The following CIBAR2 variants were observed in gnomAD, a reference collection of about 807,000 sequenced individuals.
CIBAR2 encodes CBY1-interacting BAR domain-containing protein 2.
Under a neutral mutation model 36.2 loss-of-function variants are expected in CIBAR2, and 38 were observed. The ratio of observed to expected loss-of-function variants is 1.05; its 90% CI spans 0.81 to 1.38. The LOEUF is 1.38. CIBAR2 is among the 40% of genes most tolerant of loss of function. The probability of loss-of-function intolerance (pLI) is 0.00; values close to 1 mark genes in which losing one functional copy is unlikely to be tolerated. For missense variants in CIBAR2, 481 were observed against 383.4 expected (o/e 1.25, Z -2.13); for synonymous variants, 182 against 149.5 (o/e 1.22, Z -1.58).
In CIBAR2 at chr16:85,102,232, G is replaced by T; in HGVS notation, c.633C>A (p.Asp211Glu). 4 of 1,601,808 alleles carry T rather than the reference G, an allele frequency of 2.5e-6. No individual in the cohort carries two copies. The highest frequency in any genetic ancestry group is 3.4e-6 in the Non-Finnish European group (4 of 1,168,790). The change falls in exon 7 of 9, where the codon GAC (aspartate) becomes GAA (glutamate). Residue 211 changes from aspartate (D) to glutamate (E), a missense_variant. Asp to Glu is a conservative substitution (Grantham distance 45). Coordinates refer to ENST00000539556, the MANE Select transcript of CIBAR2 (RefSeq NM_198491.3). Reference sequence around the variant, plus strand: ...GACTCACCAGTAGATCCCTCTCCAGGTCATACTTCTCCAGGGTCTGGAAGG... The same window carrying T: ...GACTCACCAGTAGATCCCTCTCCAGTTCATACTTCTCCAGGGTCTGGAAGG... ...SSAFQTLEKY[D>E]LERDLLDFRA...
Position 85,099,118 on chromosome 16 carries a change from A to G in CIBAR2, c.*67T>C, listed in dbSNP as rs533048628. ...GACAAAGAAAAAAGAATCAGAAAAT[A>G]AGAACAAAGCCTCCAGGCAGTCTGG... On this transcript the variant is annotated 3_prime_UTR_variant, in exon 9 of 9. Coordinates refer to ENST00000539556, the MANE Select transcript of CIBAR2 (RefSeq NM_198491.3). The G allele has an allele frequency of 3.5e-6, 5 of 1,438,054 alleles. No homozygotes were observed. The East Asian group carries it at 1.0e-4, about 30-fold the overall frequency. 89.1% of individuals were successfully genotyped at this position (1,438,054 alleles called of 1,614,324 possible).
At chr16:85,101,290 C>T (rs2073953504) in intron 7 of CIBAR2, among the ~76,000 whole-genome samples, 1 of 152,140 alleles carries the variant, frequency 6.6e-6, no homozygotes, top group African/African-American at 2.4e-5. Context: ...ATACGCCCCA[C>T]ATTTTCATTT....
intron 1 of CIBAR2, among the ~76,000 whole-genome samples, chr16:85,110,824 C>G (rs111482950): frequency 0.16 from 24,683 of 151,290 alleles, 2,134 homozygotes; most frequent in African/African-American, 0.23. Flanking sequence ...CCTGCCTCAG[C>G]CTCCTGAGTA....
At chr16:85,100,059 A>T in intron 8 of CIBAR2, 80 bp downstream of exon 8, 1 of 1,101,026 alleles carries the variant, frequency 9.1e-7, no homozygotes, top group African/African-American at 1.6e-5. Flanking sequence ...CCCTCCTCTA[A>T]TCCCTGGGGT....
In CIBAR2 at chr16:85,107,674, T is replaced by G; in HGVS notation, c.427-2A>C. 6.2e-7 allele frequency: 1 copy of G among 1,613,990 alleles called. No individual in the cohort carries two copies. The highest frequency in any genetic ancestry group is 1.1e-5 in the South Asian group (1 of 91,080). ...CAGACATGTGACACTCACCTGGGAC[T>G]GAAAAACGTGCTGTTAAGGAACCAA... On this transcript the variant is annotated splice_acceptor_variant, in intron 4 of 8. Coordinates refer to ENST00000539556, the MANE Select transcript of CIBAR2 (RefSeq NM_198491.3). LOFTEE classifies it high-confidence loss of function.
rs948075322 is a variant in CIBAR2, at chr16:85,110,387, G to T, written c.94C>A (p.Leu32Met). Reference sequence around the variant, plus strand: ...GCCGTCTTGCGCGTGTAGGCGGCCAGCAGCGAGCAGAACTGCCCAAAGTAC... The same window carrying T: ...GCCGTCTTGCGCGTGTAGGCGGCCATCAGCGAGCAGAACTGCCCAAAGTAC... ...EKYFGQFCSL[L>M]AAYTRKTARL... is the part of the protein sequence containing the mutation. Residue 32 changes from leucine to methionine, a missense_variant, in exon 2 of 9, where the codon CTG (leucine) becomes ATG (methionine). Physicochemically the swap from Leu to Met is conservative, Grantham distance 15. Transcript: ENST00000539556. 6.2e-7 allele frequency: 1 copy of T among 1,613,436 alleles called. No individual in the cohort carries two copies. The highest frequency in any genetic ancestry group is 8.5e-7 in the Non-Finnish European group (1 of 1,179,788).
intron 2 of CIBAR2, 135 bp from the exon 3 acceptor site, chr16:85,108,234 T>A (rs2074013462): frequency 3.9e-6 from 3 of 767,370 alleles, no homozygotes; most frequent in Non-Finnish European, 6.1e-6. Flanking sequence ...CGAGGTGCCC[T>A]CCCTTTTCCC....
chr16:85,108,082 G>C lies in CIBAR2; in HGVS notation c.273C>G (p.Thr91=), dbSNP rs894192130. The change falls in exon 3 of 9, where the codon ACC becomes ACG. Residue 91 remains threonine, a synonymous_variant. Transcript: ENST00000539556. ...AGAGCTTCAGGGGGTTGACCACCTT[G>C]GTCTCCAGCCTCTCGACCTGGGGGA... is the stretch of plus-strand genomic sequence containing the variant. ...YRQAQVERLE[T]KVVNPLKLYG... The C allele has an allele frequency of 2.5e-6, 4 of 1,612,372 alleles. No individual in the cohort carries two copies. In the African/African-American group the frequency reaches 5.3e-5, roughly 22 times the overall value.
intron 8 of CIBAR2, among the ~76,000 whole-genome samples, chr16:85,099,692 C>T (rs2073939322): frequency 1.3e-5 from 2 of 150,950 alleles, no homozygotes; most frequent in African/African-American, 4.9e-5. Context: ...GGTACGATCT[C>T]GGCTCACTGC....
At position 85,108,070 on chromosome 16, in the gene CIBAR2, G is replaced by T. The variant is rs1271622157; in HGVS notation, c.285C>A (p.Asn95Lys). Residue 95 changes from asparagine (N) to lysine (K), a missense_variant, in exon 3 of 9, where the codon AAC (asparagine) becomes AAA (lysine). Asn to Lys is a moderately conservative substitution (Grantham distance 94, BLOSUM62 0). Transcript: ENST00000539556. ...QVERLETKVV[N>K]PLKLYGAQIK... The stretch of plus-strand genomic sequence containing the variant: ...TCTGTGCCCCGTAGAGCTTCAGGGG[G>T]TTGACCACCTTGGTCTCCAGCCTCT... The T allele has an allele frequency of 4.3e-6, 7 of 1,613,038 alleles. No individual in the cohort carries two copies. The highest frequency in any genetic ancestry group is 5.1e-6 in the Non-Finnish European group (6 of 1,179,364).
Position 85,098,864 on chromosome 16 carries a change from A to C in CIBAR2, c.*321T>G. 4.3e-6 allele frequency: 1 copy of C among 234,056 alleles called. No individual in the cohort carries two copies. The highest frequency in any genetic ancestry group is 7.8e-6 in the Non-Finnish European group (1 of 128,678). 14.5% of individuals were successfully genotyped at this position (234,056 alleles called of 1,614,324 possible). A position where few individuals can be genotyped will look rare whatever the true frequency, so the allele number is the denominator to read the frequency against. ...AAGCCACTCTGCAGGCGAGGACTCT[A>C]AGGCACAGAGAGGCTAGGAGACTTT... On this transcript the variant is annotated 3_prime_UTR_variant, in exon 9 of 9. Coordinates refer to ENST00000539556, the MANE Select transcript of CIBAR2 (RefSeq NM_198491.3).
chr16:85,103,717 C>T (rs537246740), intron 6 of CIBAR2, among the ~76,000 whole-genome samples: 3 of 152,316 alleles, frequency 2.0e-5, no homozygotes, highest in African/African-American at 7.2e-5. Flanking sequence ...TTCATGCAGG[C>T]GTTCACTCAT....
Position 85,110,322 on chromosome 16 carries a change from G to A in CIBAR2, c.159C>T (p.Leu53=), listed in dbSNP as rs764685135. The change falls in exon 2 of 9, where the codon CTC becomes CTT. Residue 53 remains leucine (L), a synonymous_variant. Transcript: ENST00000539556. The part of the protein sequence containing the change: ...RDKADQLVKQ[L]IDFANSENPE... ...GGTTCTCGGAGTTGGCAAAGTCGAT[G>A]AGCTGCTTGACCAGCTGGTCCGCCT... 1.4e-5 allele frequency: 22 copies of A among 1,612,794 alleles called. No homozygotes were observed. The East Asian group carries it at 3.6e-4, about 26-fold the overall frequency.
intron 5 of CIBAR2, among the ~76,000 whole-genome samples, chr16:85,106,703 C>T (rs766198420): frequency 6.6e-6 from 1 of 152,202 alleles, no homozygotes; most frequent in African/African-American, 2.4e-5. Context: ...AGTGGGCCCA[C>T]GGTGAACCTC....
At position 85,108,081 on chromosome 16, in the gene CIBAR2, T is replaced by G. The variant is rs770931335; in HGVS notation, c.274A>C (p.Lys92Gln). The change falls in exon 3 of 9, where the codon AAG becomes CAG. Residue 92 changes from lysine (K) to glutamine (Q), a missense_variant. Lys to Gln is a moderately conservative substitution (Grantham distance 53). Transcript: ENST00000539556. The part of the protein sequence containing the change: ...RQAQVERLET[K>Q]VVNPLKLYGA... ...TAGAGCTTCAGGGGGTTGACCACCT[T>G]GGTCTCCAGCCTCTCGACCTGGGGG... 6.2e-7 allele frequency: 1 copy of G among 1,612,376 alleles called. No individual in the cohort carries two copies. The highest frequency in any genetic ancestry group is 1.3e-5 in the African/African-American group (1 of 74,854).
At chr16:85,103,928 C>A (rs924868864) in intron 6 of CIBAR2, among the ~76,000 whole-genome samples, 2 of 152,228 alleles carry the variant, frequency 1.3e-5, no homozygotes, top group Non-Finnish European at 1.5e-5. Flanking sequence ...ATCCGTCCAT[C>A]TCCTCCCGCC....
At chr16:85,106,421 G>C (rs2073996266) in intron 5 of CIBAR2, among the ~76,000 whole-genome samples, 1 of 152,170 alleles carries the variant, frequency 6.6e-6, no homozygotes, top group South Asian at 2.1e-4. Context: ...AATGAAGGTT[G>C]CTAATCAGCC....
chr16:85,105,394 C>A lies in CIBAR2; in HGVS notation c.470G>T (p.Ser157Ile), dbSNP rs892520015. Residue 157 changes from serine (S) to isoleucine (I), a missense_variant, in exon 6 of 9, where the codon AGC becomes ATC. Coordinates refer to ENST00000539556, the MANE Select transcript of CIBAR2 (RefSeq NM_198491.3). ...CTCCTCCAGCTGGAGGGTGGTGCGGCTGGAGTCCACAGCGGCCCTCTGCAC... is the reference window on the plus strand; with the variant it reads ...CTCCTCCAGCTGGAGGGTGGTGCGGATGGAGTCCACAGCGGCCCTCTGCAC... ...TRVQRAAVDS[S>I]RTTLQLEETV... 1.2e-6 allele frequency: 2 copies of A among 1,613,910 alleles called. No homozygotes were observed. The highest frequency in any genetic ancestry group is 2.7e-5 in the African/African-American group (2 of 75,054).
intron 2 of CIBAR2, 87 bp downstream of exon 2, chr16:85,110,139 G>C: frequency 9.9e-7 from 1 of 1,005,150 alleles, no homozygotes; most frequent in Admixed American, 2.5e-5. Flanking sequence ...TGTGGCCACA[G>C]CAGGGCTCCT....
Sources: gnomAD v4.1 joint callset for allele counts (sites outside exome capture counted in the v4.1 genomes callset) on GRCh38, gnomAD v4.1.1 for gene constraint, MANE v1.5 for transcripts, NCBI Gene and HGNC (gene_info 2026-07-23, HGNC 2026-07-21) for gene names.